MCM4: variants seen among roughly 807,000 people sequenced by gnomAD.
MCM4 encodes DNA replication licensing factor MCM4.
A neutral mutation model predicts 88.7 loss-of-function variants in MCM4; 60 were observed. The observed-to-expected ratio is 0.68, with a 90% confidence interval of 0.55 to 0.84. The LOEUF (loss-of-function observed/expected upper bound fraction) is 0.84. Among genes scored for constraint, MCM4 ranks in the 40% least tolerant of loss-of-function variants. The pLI, the probability that MCM4 is intolerant of heterozygous loss-of-function variation, is 0.00. For synonymous variants in MCM4, 465 were observed against 410.5 expected, an observed-to-expected ratio of 1.13 and a Z score of -1.61; for missense variants, 1,149 against 1,105.5, an observed-to-expected ratio of 1.04 and a Z score of -0.56.
intron 13 of MCM4, among the ~76,000 whole-genome samples, chr8:47,972,445 C>G (rs535359899): frequency 2.6e-5 from 4 of 152,222 alleles, no homozygotes; most frequent in African/African-American, 7.2e-5. Context: ...ATGGCGCTCA[C>G]AGGGTGCACA....
chr8:47,975,611 G>A (rs770809424), intron 15 of MCM4, 104 bp from the exon 16 acceptor site: 48 of 794,692 alleles, frequency 6.0e-5, no homozygotes, highest in Admixed American at 7.8e-5. Flanking sequence ...AGCCCCTGTC[G>A]CCTTATCTTT....
chr8:47,972,380 G>A (rs1300514235), intron 13 of MCM4, among the ~76,000 whole-genome samples: 1 of 152,146 alleles, frequency 6.6e-6, no homozygotes, highest in Non-Finnish European at 1.5e-5. Flanking sequence ...GGTGAGTGGG[G>A]TGAGTGGATG....
In MCM4 at chr8:47,975,861, A is replaced by G. The variant is rs1311706634; in HGVS notation, c.2499+13A>G. 1.3e-6 allele frequency: 2 copies of G among 1,492,286 alleles called. No homozygotes were observed. Among genetic ancestry groups the G allele is most frequent in the Non-Finnish European group, 1.8e-6 (2 of 1,125,664 alleles). 92.4% of individuals were successfully genotyped at this position (1,492,286 alleles called of 1,614,324 possible). On this transcript the variant is annotated intron_variant, in intron 16 of 16. Transcript: ENST00000649973. The stretch of plus-strand genomic sequence containing the variant: ...ACAATCTGACATAGTAAGTGTTTAT[A>G]TGTATTTTTTGTTTGATAGAGCTTT...
At chr8:47,961,855 G>A in intron 3 of MCM4, 175 bp downstream of exon 3, 1 of 970,586 alleles carries the variant, frequency 1.0e-6, no homozygotes. Context: ...AGTAGTTTTA[G>A]GGCTTAGTGA....
Position 47,970,804 on chromosome 8 carries a change from C to G in MCM4, c.1728C>G (p.Phe576Leu), listed in dbSNP as rs148525401. 4 of 1,613,596 alleles carry G rather than the reference C, an allele frequency of 2.5e-6. No homozygotes were observed. The African/African-American group carries it at 5.3e-5, about 22-fold the overall frequency. Reference sequence around the variant, plus strand: ...ACGGCATCTGCTGTATCGATGAGTTCGACAAGATGAATGAAAGTACAAGAT... The same window carrying G: ...ACGGCATCTGCTGTATCGATGAGTTGGACAAGATGAATGAAAGTACAAGAT... Reference protein sequence around the residue: ...SDNGICCIDEFDKMNESTRSV... With the variant: ...SDNGICCIDELDKMNESTRSV... Residue 576 changes from phenylalanine to leucine, a missense_variant, in exon 12 of 17, where the codon TTC (phenylalanine) becomes TTG (leucine). Coordinates refer to ENST00000649973, the MANE Select transcript of MCM4 (RefSeq NM_182746.3).
chr8:47,967,326 T>A, intron 9 of MCM4, 39 bp from the exon 10 acceptor site: 1 of 1,612,984 alleles, frequency 6.2e-7, no homozygotes, highest in Non-Finnish European at 8.5e-7. Context: ...CCCTGCCCTC[T>A]CTTTGTGGCC....
chr8:47,964,040 G>A lies in MCM4; in HGVS notation c.694-534G>A, dbSNP rs1212815213. On this transcript the variant is annotated intron_variant, in intron 7 of 16. Coordinates refer to ENST00000649973, the MANE Select transcript of MCM4 (RefSeq NM_182746.3). ...GGAGTTCAAGACCAGCCTGACCAAC[G>A]TGGAGAAACCCCGTCTCTATTAAAA... Among the ~76,000 whole-genome samples the A allele has an allele frequency of 3.3e-5, 5 of 152,212 alleles. No homozygotes were observed. In the South Asian group the frequency reaches 8.3e-4, roughly 25 times the overall value.
rs759261886 is a variant in MCM4 at position 47,975,730 on chromosome 8, C to G, written c.2381C>G (p.Ser794Cys). 8 of 1,571,570 alleles carry G rather than the reference C, an allele frequency of 5.1e-6. No individual in the cohort carries two copies. Among genetic ancestry groups the G allele is most frequent in the Non-Finnish European group, 6.9e-6 (8 of 1,165,924 alleles). ...TTTAAATCAGGGATGAGTGCCACCT[C>G]TCGTAAACGGAAAGAAGAATTAGCT... ...SILTTGMSAT[S>C]RKRKEELAEA... The change falls in exon 16 of 17, where the codon TCT (serine) becomes TGT (cysteine). Residue 794 changes from serine (S) to cysteine (C), a missense_variant. By Grantham distance (112) the Ser-to-Cys change is moderately radical. Transcript: ENST00000649973.
Position 47,969,861 on chromosome 8 carries a change from A to C in MCM4, c.1238A>C (p.Lys413Thr). The C allele has an allele frequency of 6.2e-7, 1 of 1,614,254 alleles. No individual in the cohort carries two copies. ...PRVSNVKSVY[K>T]THIDVIHYRK... Reference sequence around the variant, plus strand: ...GTGAGTAATGTGAAGTCTGTCTACAAAACCCACATTGATGTCATTCATTAT... The same window carrying C: ...GTGAGTAATGTGAAGTCTGTCTACACAACCCACATTGATGTCATTCATTAT... The change falls in exon 11 of 17, where the codon AAA becomes ACA. Residue 413 changes from lysine (K) to threonine (T), a missense_variant. By Grantham distance (78) the Lys-to-Thr change is moderately conservative. Coordinates refer to ENST00000649973, the MANE Select transcript of MCM4 (RefSeq NM_182746.3).
intron 10 of MCM4, among the ~76,000 whole-genome samples, 176 bp downstream of exon 10, chr8:47,967,661 A>G (rs2090912598): frequency 6.6e-6 from 1 of 152,180 alleles, no homozygotes; most frequent in Non-Finnish European, 1.5e-5. Context: ...ACTGAGTACC[A>G]TGGCCCAGCA....
At chr8:47,961,368 TG>T in intron 2 of MCM4, 147 bp from the exon 3 acceptor site, 1 of 1,506,474 alleles carries the variant, frequency 6.6e-7, no homozygotes, top group Non-Finnish European at 8.8e-7. Context: ...CACAGCAGGC[TG>T]TGGCCTGGGT....
In MCM4 at chr8:47,966,314, C is replaced by CCGCATTGCAGAGCCCAGTGTGTG. The variant is rs766515953; in HGVS notation, c.963_985dup (p.Gly329AlafsTer31). 2 of 1,614,058 alleles carry CCGCATTGCAGAGCCCAGTGTGTG rather than the reference C, an allele frequency of 1.2e-6. No individual in the cohort carries two copies. Among genetic ancestry groups the CCGCATTGCAGAGCCCAGTGTGTG allele is most frequent in the Non-Finnish European group, 1.7e-6 (2 of 1,180,050 alleles). On this transcript the variant is annotated frameshift_variant, in exon 9 of 17. Coordinates refer to ENST00000649973, the MANE Select transcript of MCM4 (RefSeq NM_182746.3). LOFTEE classifies it high-confidence loss of function. ...CGACCCGGGTGGAGATGGACCGCGGCCGCATTGCAGAGCCCAGTGTGTGCG... is the reference window on the plus strand; with the variant it reads ...CGACCCGGGTGGAGATGGACCGCGGCCGCATTGCAGAGCCCAGTGTGTGCGCATTGCAGAGCCCAGTGTGTGCG...
intron 13 of MCM4, among the ~76,000 whole-genome samples, chr8:47,972,443 C>G (rs1034338980): frequency 6.6e-6 from 1 of 152,100 alleles, no homozygotes; most frequent in African/African-American, 2.4e-5. Flanking sequence ...TGATGGCGCT[C>G]ACAGGGTGCA....
chr8:47,961,968 C>A, intron 3 of MCM4, 85 bp from the exon 4 acceptor site: 2 of 1,263,630 alleles, frequency 1.6e-6, no homozygotes, highest in South Asian at 1.3e-5. Flanking sequence ...TTTGCTGTTG[C>A]GATTAGATGG....
In MCM4 at chr8:47,964,610, A is replaced by G. The variant is rs1563831790; in HGVS notation, c.730A>G (p.Ile244Val). The change falls in exon 8 of 17, where the codon ATC becomes GTC. Residue 244 changes from isoleucine (I) to valine (V), a missense_variant. This residue lies in a region of MCM4 where 906 missense variants were observed against 843.0 expected (regional missense o/e 1.07). Transcript: ENST00000649973. ...IPTFDMAVNE[I>V]FFDRYPDSIL... Reference sequence around the variant, plus strand: ...AACTTTTGACATGGCTGTCAATGAAATCTTCTTTGACCGTTACCCTGACTC... The same window carrying G: ...AACTTTTGACATGGCTGTCAATGAAGTCTTCTTTGACCGTTACCCTGACTC... 13 of 1,600,616 alleles carry G rather than the reference A, an allele frequency of 8.1e-6. No homozygotes were observed. Among genetic ancestry groups the G allele is most frequent in the Non-Finnish European group, 1.1e-5 (13 of 1,176,588 alleles).
At chr8:47,976,475 T>C (rs896272447) in intron 16 of MCM4, among the ~76,000 whole-genome samples, 2 of 151,974 alleles carry the variant, frequency 1.3e-5, no homozygotes, top group Middle Eastern at 3.4e-3. Flanking sequence ...GAGGGCAGAG[T>C]TGATAGTTAC....
chr8:47,969,651 A>G (rs1403234823), intron 10 of MCM4, 147 bp from the exon 11 acceptor site: 2 of 707,324 alleles, frequency 2.8e-6, no homozygotes, highest in Non-Finnish European at 4.7e-6. Flanking sequence ...TGGGAGGGTC[A>G]TTTAAGAGAC....
intron 14 of MCM4, 109 bp downstream of exon 14, chr8:47,973,173 T>C (rs2090971287): frequency 9.7e-7 from 1 of 1,028,144 alleles, no homozygotes; most frequent in South Asian, 1.6e-5. Context: ...TAACATACTG[T>C]TCTCTTCCTT....
intron 14 of MCM4, 128 bp from the exon 15 acceptor site, chr8:47,974,606 T>G: frequency 1.4e-6 from 1 of 730,704 alleles, no homozygotes; most frequent in Non-Finnish European, 2.4e-6. Flanking sequence ...CTTGATGAGC[T>G]CCGGGGCCCA....
Sources: allele counts gnomAD v4.1 joint callset (sites outside exome capture counted in the v4.1 genomes callset), GRCh38; gene constraint gnomAD v4.1.1; regional missense constraint gnomAD v4.1.1; transcripts MANE v1.5; gene names NCBI Gene and HGNC (gene_info 2026-07-23, HGNC 2026-07-21).